Variants in RGPD2 observed in about 807,000 individuals in gnomAD.
RGPD2 encodes the protein RANBP2 like and GRIP domain containing 2.
A neutral mutation model predicts 36.0 loss-of-function variants in RGPD2; 2 were observed. The observed-to-expected ratio is 0.06, with a 90% confidence interval of 0.02 to 0.17. RGPD2 has a LOEUF of 0.17. Among genes scored for constraint, RGPD2 ranks in the 10% least tolerant of loss-of-function variants. The probability of loss-of-function intolerance (pLI) is 1.00; values close to 1 mark genes in which losing one functional copy is unlikely to be tolerated. For synonymous variants in RGPD2, 19 were observed against 163.8 expected (o/e 0.12, Z 6.75); for missense variants, 40 against 464.3 (o/e 0.09, Z 8.40).
At chr2:87,989,416 G>T in the RGPD2 span, among the ~76,000 whole-genome samples, 3 of 151,968 alleles carry the variant, frequency 2.0e-5, no homozygotes, top group African/African-American at 7.3e-5. Context: ...ATCATCAAAA[G>T]GACATTTAGT....
chr2:87,798,721 A>G (rs1685783907), intron 8 of RGPD2, among the ~76,000 whole-genome samples: 1 of 140,126 alleles, frequency 7.1e-6, no homozygotes, highest in Admixed American at 7.3e-5. Flanking sequence ...AAAAAAAATT[A>G]GCCGGCCCTG....
chr2:87,921,098 T>G, the RGPD2 span, among the ~76,000 whole-genome samples: 1 of 150,040 alleles, frequency 6.7e-6, no homozygotes, highest in Non-Finnish European at 1.5e-5. Context: ...AGTTTGGAAG[T>G]AAGGTAGAGA....
chr2:87,846,513 A>G, the RGPD2 span, among the ~76,000 whole-genome samples: 8 of 152,126 alleles, frequency 5.3e-5, no homozygotes, highest in Admixed American at 1.3e-4. Context: ...TTGGTAAAAA[A>G]TATCACATGC....
chr2:87,915,000 A>C, the RGPD2 span, among the ~76,000 whole-genome samples: 1 of 152,150 alleles, frequency 6.6e-6, no homozygotes, highest in South Asian at 2.1e-4. Flanking sequence ...ATACAAAATT[A>C]GCGAGGCATG....
At chr2:87,914,800 G>A in the RGPD2 span, among the ~76,000 whole-genome samples, 2 of 150,228 alleles carry the variant, frequency 1.3e-5, no homozygotes, top group Non-Finnish European at 3.0e-5. Context: ...ATTGAAACTA[G>A]ATTGAGAGCA....
the RGPD2 span, among the ~76,000 whole-genome samples, chr2:87,893,175 C>T: frequency 1.3e-4 from 19 of 147,934 alleles, no homozygotes; most frequent in Middle Eastern, 3.5e-3. Flanking sequence ...ACATAGGGTG[C>T]TGTAGTTACA....
intron 1 of RGPD2, chr2:87,825,148 G>A (rs1238055698): frequency 5.1e-6 from 2 of 390,306 alleles, no homozygotes; most frequent in Non-Finnish European, 9.0e-6. Context: ...CACAATCCTA[G>A]GTCTGCCCGC....
intron 1 of RGPD2, among the ~76,000 whole-genome samples, chr2:87,822,356 G>T (rs1686416050): frequency 1.3e-5 from 2 of 150,512 alleles, no homozygotes; most frequent in South Asian, 4.2e-4. Flanking sequence ...TGAAAGAAAT[G>T]AGTTTCCCAA....
the RGPD2 span, among the ~76,000 whole-genome samples, chr2:87,988,867 A>G: frequency 6.6e-6 from 1 of 152,004 alleles, no homozygotes; most frequent in Non-Finnish European, 1.5e-5. Flanking sequence ...ATTATACTGC[A>G]CAATATTCCC....
At chr2:87,884,773 CAAGTA>C in the RGPD2 span, among the ~76,000 whole-genome samples, 4 of 151,866 alleles carry the variant, frequency 2.6e-5, no homozygotes, top group Admixed American at 6.6e-5. Flanking sequence ...AGACCAATAA[CAAGTA>C]AAGAGATTAA....
At chr2:87,986,280 G>A in the RGPD2 span, among the ~76,000 whole-genome samples, 56 of 150,886 alleles carry the variant, frequency 3.7e-4, no homozygotes, top group East Asian at 9.9e-4. Flanking sequence ...GATTACAGGC[G>A]TCTGCCACTG....
At chr2:87,870,355 C>G in the RGPD2 span, among the ~76,000 whole-genome samples, 2 of 152,358 alleles carry the variant, frequency 1.3e-5, no homozygotes, top group Non-Finnish European at 1.5e-5. Context: ...CTTTACACAC[C>G]AAGCCAAGAT....
the RGPD2 span, among the ~76,000 whole-genome samples, chr2:87,857,971 A>G: frequency 2.0e-5 from 3 of 150,890 alleles, no homozygotes; most frequent in African/African-American, 7.3e-5. Context: ...GTTCTGAAAT[A>G]TAACATAACC....
the RGPD2 span, among the ~76,000 whole-genome samples, chr2:87,855,495 A>G: frequency 2.1e-5 from 3 of 143,796 alleles, no homozygotes; most frequent in Admixed American, 7.1e-5. Flanking sequence ...TTCTGCTACT[A>G]TGTGTGTATT....
chr2:87,756,142 C>T lies in RGPD2; in HGVS notation c.*1250G>A, dbSNP rs1189152398. ...TGGGGGGAACAGACATGGGTGGGCA[C>T]ACTAGCAAACACCTGCCAGCTGCAT... On this transcript the variant is annotated 3_prime_UTR_variant, in exon 23 of 23. Coordinates refer to ENST00000398146, the MANE Select transcript of RGPD2 (RefSeq NM_001078170.3). 5.3e-5 allele frequency: 2 copies of T among 37,412 alleles called. No homozygotes were observed. Among genetic ancestry groups the T allele is most frequent in the African/African-American group, 1.8e-4 (2 of 10,960 alleles). The allele number at this position is 37,412 out of a possible 1,614,324, so 2.3% of individuals were successfully genotyped here. A position where few individuals can be genotyped will look rare whatever the true frequency, so the allele number is the denominator to read the frequency against.
the RGPD2 span, among the ~76,000 whole-genome samples, chr2:87,937,386 A>C: frequency 1.3e-5 from 2 of 151,908 alleles, no homozygotes; most frequent in East Asian, 3.9e-4. Context: ...CTATTACTGG[A>C]GACTGGGCAA....
At chr2:87,892,342 A>G in the RGPD2 span, among the ~76,000 whole-genome samples, 1 of 151,788 alleles carries the variant, frequency 6.6e-6, no homozygotes, top group Admixed American at 6.6e-5. Flanking sequence ...GAAGTGTAAG[A>G]AAATATATCC....
the RGPD2 span, among the ~76,000 whole-genome samples, chr2:87,961,204 T>C: frequency 6.6e-6 from 1 of 152,228 alleles, no homozygotes; most frequent in African/African-American, 2.4e-5. Context: ...TACTGAGCCC[T>C]ATAGCCATGC....
chr2:87,890,360 A>G, the RGPD2 span, among the ~76,000 whole-genome samples: 1 of 144,890 alleles, frequency 6.9e-6, no homozygotes, highest in Non-Finnish European at 1.5e-5. Context: ...AGGAGATAAG[A>G]CAATCTCAAG....
Sources: allele counts gnomAD v4.1 joint callset (sites outside exome capture counted in the v4.1 genomes callset), GRCh38; gene constraint gnomAD v4.1.1; transcripts MANE v1.5; gene names NCBI Gene and HGNC (gene_info 2026-07-23, HGNC 2026-07-21).